CDKAL1: variants seen among roughly 807,000 people sequenced by gnomAD.
The protein encoded by CDKAL1 is CDKAL1 threonylcarbamoyladenosine tRNA methylthiotransferase.
In CDKAL1, 32 loss-of-function variants were observed where a neutral mutation model predicts 68.2. The observed-to-expected ratio is 0.47, with a 90% CI of 0.35 to 0.63. CDKAL1 has a LOEUF of 0.63. CDKAL1 is among the 30% of genes least tolerant of loss of function. The pLI, the probability that CDKAL1 is intolerant of heterozygous loss-of-function variation, is 0.00. For synonymous variants in CDKAL1, 234 were observed against 244.3 expected (o/e 0.96, Z 0.39); for missense variants, 606 against 696.7 (o/e 0.87, Z 1.47).
chr6:20,548,123 C>G (rs555581781), intron 3 of CDKAL1, among the ~76,000 whole-genome samples: 3 of 152,154 alleles, frequency 2.0e-5, no homozygotes, highest in South Asian at 4.1e-4. Context: ...TTTGATACAA[C>G]AACAGATTTT....
chr6:20,685,711 A>G (rs1380029947), intron 5 of CDKAL1, among the ~76,000 whole-genome samples: 1 of 151,932 alleles, frequency 6.6e-6, no homozygotes, highest in Non-Finnish European at 1.5e-5. Flanking sequence ...ATTTTATTTT[A>G]TTTTTGCTAG....
At chr6:21,162,734 G>A (rs1776976545) in intron 13 of CDKAL1, among the ~76,000 whole-genome samples, 1 of 152,132 alleles carries the variant, frequency 6.6e-6, no homozygotes, top group South Asian at 2.1e-4. Flanking sequence ...AGACCAGCCT[G>A]GGCAACATAG....
intron 13 of CDKAL1, among the ~76,000 whole-genome samples, chr6:21,109,348 A>G (rs1414985972): frequency 2.0e-5 from 3 of 152,154 alleles, no homozygotes; most frequent in Non-Finnish European, 4.4e-5. Context: ...TGTGGTAGGG[A>G]TTTTTTAACT....
Position 21,198,168 on chromosome 6 carries a change from C to G in CDKAL1, c.1383+64C>G, listed in dbSNP as rs75342227. On this transcript the variant is annotated intron_variant, in intron 14 of 15. Coordinates refer to ENST00000274695, the MANE Select transcript of CDKAL1 (RefSeq NM_017774.3). ...TGAGAAAGAGTTCTGAAAGTTTAAGCAAAGGGCATTTAAAGGGGAGAGTGT... is the reference window on the plus strand; with the variant it reads ...TGAGAAAGAGTTCTGAAAGTTTAAGGAAAGGGCATTTAAAGGGGAGAGTGT... 1.4e-3 allele frequency: 1,526 copies of G among 1,129,614 alleles called. 13 individuals carry two copies. In the African/African-American group the frequency reaches 0.019, roughly 14 times the overall value. 70.0% of individuals were successfully genotyped at this position (1,129,614 alleles called of 1,614,324 possible). A position where few individuals can be genotyped will look rare whatever the true frequency, so the allele number is the denominator to read the frequency against.
intron 4 of CDKAL1, among the ~76,000 whole-genome samples, chr6:20,635,284 C>G (rs571390278): frequency 1.3e-5 from 2 of 152,014 alleles, no homozygotes; most frequent in Non-Finnish European, 2.9e-5. Context: ...CTTTTTACTC[C>G]GGGTGGTGTC....
intron 5 of CDKAL1, among the ~76,000 whole-genome samples, chr6:20,739,189 G>C (rs1347127862): frequency 6.6e-6 from 1 of 152,142 alleles, no homozygotes; most frequent in African/African-American, 2.4e-5. Flanking sequence ...CCTACTTGGA[G>C]AGTTAGCTTG....
chr6:20,638,375 C>T (rs191608253), intron 4 of CDKAL1, among the ~76,000 whole-genome samples: 139 of 152,122 alleles, frequency 9.1e-4, no homozygotes, highest in African/African-American at 3.3e-3. Flanking sequence ...ATTTGTTGCC[C>T]GTTTTTTTCT....
intron 9 of CDKAL1, among the ~76,000 whole-genome samples, chr6:20,894,391 CTTTT>C (rs5874793): frequency 8.1e-6 from 1 of 124,072 alleles, no homozygotes; most frequent in South Asian, 2.7e-4. Context: ...ACCCCACATA[CTTTT>C]TTTTTTTTTT....
In CDKAL1 at chr6:21,024,522, G is replaced by A. The variant is rs573177082; in HGVS notation, c.1055+24150G>A. Among the ~76,000 whole-genome samples the A allele has an allele frequency of 8.6e-5, 13 of 151,918 alleles. No homozygotes were observed. The South Asian group carries it at 1.7e-3, about 19-fold the overall frequency. ...ATTGGTTGAAGAAATCAAGAGAAAG[G>A]GCACAATTAATGTAGGAAAAATGAG... is the stretch of plus-strand genomic sequence containing the variant. On this transcript the variant is annotated intron_variant, in intron 11 of 15. Coordinates refer to ENST00000274695, the MANE Select transcript of CDKAL1 (RefSeq NM_017774.3).
rs143946165 is a variant in CDKAL1 at position 20,674,357 on chromosome 6, T to C, written c.371+24980T>C. Reference sequence around the variant, plus strand: ...GGAATTGACTTTAGTACGTCCCCCATTAAGTAAGATACTGGCTTTTGCACT... The same window carrying C: ...GGAATTGACTTTAGTACGTCCCCCACTAAGTAAGATACTGGCTTTTGCACT... On this transcript the variant is annotated intron_variant, in intron 5 of 15. Transcript: ENST00000274695. Among the ~76,000 whole-genome samples, 412 of 152,334 alleles carry C rather than the reference T, an allele frequency of 2.7e-3. 3 individuals carry two copies. The highest frequency in any genetic ancestry group is 8.4e-3 in the African/African-American group (348 of 41,572).
chr6:21,095,589 A>G (rs974656835), intron 12 of CDKAL1, among the ~76,000 whole-genome samples: 1 of 120,270 alleles, frequency 8.3e-6, no homozygotes, highest in African/African-American at 3.4e-5. Flanking sequence ...TCCTACCCCT[A>G]CACACATACA....
intron 10 of CDKAL1, 142 bp downstream of exon 10, chr6:20,955,727 C>G (rs2150727719): frequency 1.6e-6 from 1 of 644,952 alleles, no homozygotes; most frequent in East Asian, 2.9e-5. Context: ...AAGAATGAAT[C>G]AAGACTTTCA....
At chr6:20,538,630 A>G (rs778614651) in intron 2 of CDKAL1, among the ~76,000 whole-genome samples, 1 of 152,220 alleles carries the variant, frequency 6.6e-6, no homozygotes, top group Non-Finnish European at 1.5e-5. Context: ...ATTAAAAAAT[A>G]TGGCTTTTAA....
rs550170759 is a variant in CDKAL1 at position 20,991,852 on chromosome 6, TA to T, written c.910-8361del. 5.5e-3 allele frequency among the ~76,000 whole-genome samples: 781 copies of T among 141,396 alleles called. 5 individuals are homozygous for T. Among genetic ancestry groups the T allele is most frequent in the African/African-American group, 0.013 (516 of 38,630 alleles). 92.8% of individuals were successfully genotyped at this position (141,396 alleles called of 152,430 possible). On this transcript the variant is annotated intron_variant, in intron 10 of 15. Coordinates refer to ENST00000274695, the MANE Select transcript of CDKAL1 (RefSeq NM_017774.3). Reference sequence around the variant, plus strand: ...GCAACATAGCGAGACCCTGTCTCTTTAAAAAAAAAAAAAAGTTTAAAATGGT... The same window carrying T: ...GCAACATAGCGAGACCCTGTCTCTTTAAAAAAAAAAAAAGTTTAAAATGGT...
At chr6:21,009,428 T>C (rs1302553919) in intron 11 of CDKAL1, among the ~76,000 whole-genome samples, 1 of 152,176 alleles carries the variant, frequency 6.6e-6, no homozygotes, top group African/African-American at 2.4e-5. Flanking sequence ...ATCCAGTCAC[T>C]GGGTGAGGGG....
intron 10 of CDKAL1, among the ~76,000 whole-genome samples, chr6:20,956,601 C>T (rs1764788452): frequency 6.6e-6 from 1 of 151,982 alleles, no homozygotes; most frequent in Admixed American, 6.6e-5. Context: ...AATAACATCC[C>T]AAAAAGCTAA....
chr6:21,074,686 T>G (rs1038704959), intron 12 of CDKAL1, among the ~76,000 whole-genome samples: 3 of 152,220 alleles, frequency 2.0e-5, no homozygotes, highest in African/African-American at 4.8e-5. Flanking sequence ...AAATTAATAA[T>G]TGTCTACTCT....
chr6:20,760,926 A>G (rs1774433034), intron 7 of CDKAL1, among the ~76,000 whole-genome samples: 1 of 152,206 alleles, frequency 6.6e-6, no homozygotes, highest in Admixed American at 6.5e-5. Flanking sequence ...TTAAGTTGAA[A>G]ATTTTTTGCT....
intron 4 of CDKAL1, among the ~76,000 whole-genome samples, chr6:20,616,882 C>CACACACACACACACACACACA (rs1161605572): frequency 2.0e-5 from 3 of 146,700 alleles, no homozygotes; most frequent in African/African-American, 5.1e-5. Context: ...CACACACACA[C>CACACACACACACACACACACA]TACAAAAATT....
Sources: gnomAD v4.1 joint callset for allele counts (sites outside exome capture counted in the v4.1 genomes callset) on GRCh38, gnomAD v4.1.1 for gene constraint, MANE v1.5 for transcripts, NCBI Gene and HGNC (gene_info 2026-07-23, HGNC 2026-07-21) for gene names.